ANKFN1: variants seen among roughly 807,000 people sequenced by gnomAD.
ANKFN1 encodes ankyrin repeat and fibronectin type-III domain-containing protein 1.
Under a neutral mutation model 108.7 loss-of-function variants are expected in ANKFN1, and 74 were observed. The observed-to-expected ratio is 0.68, with a 90% CI of 0.56 to 0.83. The LOEUF is 0.83. Ranked by LOEUF, ANKFN1 falls within the 40% of genes least tolerant of loss-of-function variation. The pLI is 0.00. For synonymous variants in ANKFN1, 547 were observed against 516.2 expected (o/e 1.06, Z -0.81); for missense variants, 1,505 against 1,382.3 (o/e 1.09, Z -1.41).
intron 15 of ANKFN1, chr17:56,472,432 A>G (rs2050351898): frequency 6.6e-6 from 1 of 152,216 alleles, no homozygotes; most frequent in Non-Finnish European, 1.5e-5. Flanking sequence ...ACAAGCTCTC[A>G]GGATCTCTGA....
chr17:56,081,334 G>GTTTATTTATGTATGTA lies in ANKFN1; in HGVS notation c.288+35018_288+35019insGTATGTATTTATTTAT, dbSNP rs1555591811. Among the ~76,000 whole-genome samples, 26 of 71,028 alleles carry GTTTATTTATGTATGTA rather than the reference G, an allele frequency of 3.7e-4. No homozygotes were observed. In the East Asian group the frequency reaches 3.7e-3, roughly 10 times the overall value. 46.6% of individuals were successfully genotyped at this position (71,028 alleles called of 152,430 possible). A position where few individuals can be genotyped will look rare whatever the true frequency, so the allele number is the denominator to read the frequency against. On this transcript the variant is annotated intron_variant, in intron 4 of 12. Coordinates refer to the ANKFN1 transcript ENST00000635860. ...AACCTTTTGTCTTAAGGTTTTATTT[G>GTTTATTTATGTATGTA]TTTATTTATTTATTTATTTATTATT... is the stretch of plus-strand genomic sequence containing the variant.
intron 4 of ANKFN1, among the ~76,000 whole-genome samples, chr17:56,142,956 G>A (rs535967406): frequency 1.2e-4 from 19 of 152,204 alleles, no homozygotes; most frequent in Middle Eastern, 3.4e-3. Context: ...CCAGAGGCGC[G>A]ATCTGATCAC....
chr17:56,358,052 C>T (rs2046420030), intron 6 of ANKFN1, among the ~76,000 whole-genome samples: 1 of 152,194 alleles, frequency 6.6e-6, no homozygotes, highest in Admixed American at 6.5e-5. Flanking sequence ...CTTTGGCATG[C>T]TCACTGTTAC....
At chr17:56,208,252 C>T (rs1567838137) in intron 1 of ANKFN1, among the ~76,000 whole-genome samples, 1 of 152,194 alleles carries the variant, frequency 6.6e-6, no homozygotes, top group Admixed American at 6.5e-5. Flanking sequence ...AACTCCTGAC[C>T]TCAGGTGATC....
At chr17:56,047,587 G>T (rs1309012792) in intron 4 of ANKFN1, among the ~76,000 whole-genome samples, 1 of 152,014 alleles carries the variant, frequency 6.6e-6, no homozygotes, top group Non-Finnish European at 1.5e-5. Context: ...ATGAACCAGG[G>T]GATGGGAACT....
At chr17:56,414,891 G>A (rs2048195416) in intron 8 of ANKFN1, among the ~76,000 whole-genome samples, 1 of 152,042 alleles carries the variant, frequency 6.6e-6, no homozygotes, top group Non-Finnish European at 1.5e-5. Context: ...GTGGTGATGT[G>A]TACCTGTGGT....
intron 15 of ANKFN1, among the ~76,000 whole-genome samples, chr17:56,467,456 G>A (rs2050113173): frequency 6.6e-6 from 1 of 151,942 alleles, no homozygotes; most frequent in Non-Finnish European, 1.5e-5. Flanking sequence ...AAGGCAGGCA[G>A]GTCACCTGAG....
At chr17:56,457,149 C>A in intron 12 of ANKFN1, 108 bp from the exon 13 acceptor site, 1 of 1,198,520 alleles carries the variant, frequency 8.3e-7, no homozygotes, top group Non-Finnish European at 1.2e-6. Flanking sequence ...TGATACTTAG[C>A]AGGAATACGT....
chr17:56,376,453 C>G (rs1266996572), intron 8 of ANKFN1, among the ~76,000 whole-genome samples: 3 of 152,194 alleles, frequency 2.0e-5, no homozygotes, highest in African/African-American at 7.2e-5. Flanking sequence ...TCTTGGTTGT[C>G]TCATCTGCCA....
rs779129640 is a variant in ANKFN1, at chr17:56,326,208, ATTC to A, written c.54-10_54-8del. 1 of 1,605,234 alleles carries A rather than the reference ATTC, an allele frequency of 6.2e-7. No homozygotes were observed. Among genetic ancestry groups the A allele is most frequent in the South Asian group, 1.1e-5 (1 of 89,332 alleles). On this transcript the variant is annotated splice_polypyrimidine_tract_variant and intron_variant, in intron 3 of 20. Coordinates refer to ENST00000682825, the MANE Select transcript of ANKFN1 (RefSeq NM_001370326.1). Reference sequence around the variant, plus strand: ...CCTGTAGTGATCCTGTTCGCATTTTATTCTTTACACAGAATAGGAAGGAGATTC... The same window carrying A: ...CCTGTAGTGATCCTGTTCGCATTTTATTTACACAGAATAGGAAGGAGATTC...
chr17:56,336,511 C>T (rs1174505266), intron 4 of ANKFN1, among the ~76,000 whole-genome samples: 5 of 151,886 alleles, frequency 3.3e-5, no homozygotes, highest in East Asian at 1.9e-4. Flanking sequence ...TGTGTAGAAG[C>T]GTTTATAGTA....
At chr17:56,092,744 T>A (rs1905443277) in intron 4 of ANKFN1, among the ~76,000 whole-genome samples, 1 of 150,572 alleles carries the variant, frequency 6.6e-6, no homozygotes, top group South Asian at 2.1e-4. Context: ...TCTGGGAGGG[T>A]CTGGGGGAGA....
intron 8 of ANKFN1, among the ~76,000 whole-genome samples, chr17:56,439,245 G>A (rs1045047281): frequency 6.6e-6 from 1 of 152,186 alleles, no homozygotes; most frequent in Non-Finnish European, 1.5e-5. Context: ...AAATATTAAA[G>A]TGTCCTAGAG....
At chr17:56,253,189 T>C (rs2043277463) in intron 3 of ANKFN1, among the ~76,000 whole-genome samples, 1 of 152,222 alleles carries the variant, frequency 6.6e-6, no homozygotes, top group South Asian at 2.1e-4. Context: ...AAAAATGGGC[T>C]ACCAATTAAT....
chr17:56,516,714 G>A lies in ANKFN1; in HGVS notation c.*5445G>A, dbSNP rs144977972. Among the ~76,000 whole-genome samples the A allele has an allele frequency of 2.6e-3, 400 of 152,272 alleles. No homozygotes were observed. The highest frequency in any genetic ancestry group is 4.4e-3 in the Non-Finnish European group (302 of 68,010). On this transcript the variant is annotated 3_prime_UTR_variant, in exon 21 of 21. Transcript: ENST00000682825. ...AATTTATAAGAGGTCAGGGATAAAT[G>A]AGAATTAAGTTAATTTTTCTAATGG...
At position 56,388,695 on chromosome 17, in the gene ANKFN1, A is replaced by G. The variant is rs1351062849; in HGVS notation, c.910+13981A>G. 2.0e-5 allele frequency among the ~76,000 whole-genome samples: 3 copies of G among 152,238 alleles called. No homozygotes were observed. In the East Asian group the frequency reaches 5.8e-4, roughly 29 times the overall value. ...TTCTCTTCTACTTTATTTACAATCA[A>G]CATATTCTCATTTCCTTTCAAATGT... On this transcript the variant is annotated intron_variant, in intron 8 of 20. Transcript: ENST00000682825.
At chr17:56,247,363 A>G (rs763061643) in intron 3 of ANKFN1, among the ~76,000 whole-genome samples, 7 of 152,202 alleles carry the variant, frequency 4.6e-5, no homozygotes, top group African/African-American at 9.6e-5. Context: ...TGAGCACCAC[A>G]TGTATTGGAA....
At chr17:56,380,398 G>A (rs538173739) in intron 8 of ANKFN1, among the ~76,000 whole-genome samples, 15 of 152,328 alleles carry the variant, frequency 9.8e-5, no homozygotes, top group Admixed American at 2.0e-4. Flanking sequence ...CTGAGGTACC[G>A]TGTTCATCTC....
intron 4 of ANKFN1, among the ~76,000 whole-genome samples, chr17:56,348,992 G>A (rs1214305610): frequency 1.3e-5 from 2 of 152,100 alleles, no homozygotes; most frequent in Non-Finnish European, 2.9e-5. Context: ...GCCCATCAAT[G>A]ATAGACTGAA....
Sources: gnomAD v4.1 joint callset for allele counts (sites outside exome capture counted in the v4.1 genomes callset) on GRCh38, gnomAD v4.1.1 for gene constraint, MANE v1.5 for transcripts, NCBI Gene and HGNC (gene_info 2026-07-23, HGNC 2026-07-21) for gene names.